The following CMTM8 variants were observed in gnomAD, a reference collection of about 807,000 sequenced individuals.
CMTM8 encodes the protein CKLF-like MARVEL transmembrane domain-containing protein 8.
A neutral mutation model predicts 18.6 loss-of-function variants in CMTM8; 12 were observed. That is an observed-to-expected ratio of 0.65 (90% CI 0.41 to 1.05). The LOEUF is 1.05. Ranked by LOEUF, CMTM8 falls within the 50% of genes least tolerant of loss-of-function variation. CMTM8 has a pLI of 0.00. For missense variants in CMTM8, 217 were observed against 227.2 expected, an observed-to-expected ratio of 0.95 and a Z score of 0.29; for synonymous variants, 87 against 90.6, an observed-to-expected ratio of 0.96 and a Z score of 0.23.
At chr3:32,369,214 T>C (rs1695594794) in intron 3 of CMTM8, among the ~76,000 whole-genome samples, 1 of 152,138 alleles carries the variant, frequency 6.6e-6, no homozygotes, top group Non-Finnish European at 1.5e-5. Flanking sequence ...CTTGGGATGC[T>C]GAGGCAGGAG....
intron 1 of CMTM8, among the ~76,000 whole-genome samples, chr3:32,294,254 C>G (rs1346537894): frequency 6.6e-6 from 1 of 152,226 alleles, no homozygotes; most frequent in Non-Finnish European, 1.5e-5. Context: ...TGGCAAGTGT[C>G]CTGTGCACAT....
chr3:32,319,076 T>A (rs11917124), intron 1 of CMTM8, among the ~76,000 whole-genome samples: 2,854 of 19,034 alleles, frequency 0.15, 59 homozygotes, highest in Non-Finnish European at 0.18. Flanking sequence ...ATATATATAT[T>A]TTTTTTTTTT....
chr3:32,336,548 C>T (rs1696389957), intron 1 of CMTM8, among the ~76,000 whole-genome samples: 1 of 152,224 alleles, frequency 6.6e-6, no homozygotes, highest in Non-Finnish European at 1.5e-5. Flanking sequence ...ATCATATCTC[C>T]ATCATACAAC....
intron 1 of CMTM8, among the ~76,000 whole-genome samples, chr3:32,250,780 A>G (rs1315462502): frequency 6.6e-6 from 1 of 152,078 alleles, no homozygotes; most frequent in Non-Finnish European, 1.5e-5. Flanking sequence ...CAAAAAAATT[A>G]TAGGGTTTCA....
intron 1 of CMTM8, among the ~76,000 whole-genome samples, chr3:32,303,860 A>G (rs967697370): frequency 1.3e-5 from 2 of 152,314 alleles, no homozygotes; most frequent in African/African-American, 4.8e-5. Flanking sequence ...GTATGTATTT[A>G]CCAAAAATCA....
chr3:32,311,430 T>TGATGAA (rs574567803), intron 1 of CMTM8, among the ~76,000 whole-genome samples: 129 of 152,360 alleles, frequency 8.5e-4, no homozygotes, highest in African/African-American at 3.0e-3. Flanking sequence ...TCGCTCCTTC[T>TGATGAA]GGAGGCTCTA....
intron 1 of CMTM8, among the ~76,000 whole-genome samples, chr3:32,302,100 AG>A (rs1321729101): frequency 6.6e-6 from 1 of 151,500 alleles, no homozygotes. Flanking sequence ...TGGGGGGCCA[AG>A]GCAGGAGACC....
rs1013798752 is a variant in CMTM8 at position 32,293,674 on chromosome 3, C to T, written c.147+54555C>T. 3.3e-4 allele frequency among the ~76,000 whole-genome samples: 50 copies of T among 152,066 alleles called. 1 individual carries two copies. Among genetic ancestry groups the T allele is most frequent in the Admixed American group, 3.0e-3 (46 of 15,254 alleles). ...CAGCTTGGGCAACATGGAGAAACCT[C>T]GTCTCTACTAAAAATACAAAAATTA... On this transcript the variant is annotated intron_variant, in intron 1 of 3. Transcript: ENST00000307526.
intron 1 of CMTM8, among the ~76,000 whole-genome samples, chr3:32,342,247 C>CA (rs978844966): frequency 1.3e-5 from 2 of 152,006 alleles, no homozygotes; most frequent in East Asian, 3.9e-4. Flanking sequence ...GACTCCATCT[C>CA]AAAAAAACCC....
At chr3:32,293,553 A>C (rs1702821052) in intron 1 of CMTM8, among the ~76,000 whole-genome samples, 1 of 152,166 alleles carries the variant, frequency 6.6e-6, no homozygotes, top group African/African-American at 2.4e-5. Context: ...CTCTGTCTCA[A>C]GAAATAAATA....
chr3:32,317,969 C>A (rs898663379), intron 1 of CMTM8, among the ~76,000 whole-genome samples: 1 of 148,790 alleles, frequency 6.7e-6, no homozygotes, highest in African/African-American at 2.5e-5. Flanking sequence ...TCAGGAGAAT[C>A]GCTTGAAACC....
chr3:32,356,699 G>A lies in CMTM8; in HGVS notation c.148-674G>A, dbSNP rs1284003885. On this transcript the variant is annotated intron_variant, in intron 1 of 3. Transcript: ENST00000307526. ...ATGCCCAGAGGTTCGTCCCTTGAAA[G>A]CAGATCAGCTCCAGGGACCACCTCC... 5.9e-5 allele frequency among the ~76,000 whole-genome samples: 9 copies of A among 152,350 alleles called. No homozygotes were observed. The South Asian group carries it at 1.2e-3, about 21-fold the overall frequency.
intron 1 of CMTM8, among the ~76,000 whole-genome samples, chr3:32,318,564 A>ATTTT (rs1215037595): frequency 6.8e-4 from 85 of 125,276 alleles, no homozygotes; most frequent in Non-Finnish European, 1.1e-3. Flanking sequence ...GTCATTATTA[A>ATTTT]TTTTTTTTTT....
At chr3:32,248,308 G>T (rs1193496846) in intron 1 of CMTM8, among the ~76,000 whole-genome samples, 1 of 152,078 alleles carries the variant, frequency 6.6e-6, no homozygotes, top group Non-Finnish European at 1.5e-5. Flanking sequence ...TATAACCTAT[G>T]AACATGGGAT....
rs530878050 is a variant in CMTM8 at position 32,271,705 on chromosome 3, A to G, written c.147+32586A>G. ...TTAAATTTTCCTGTTTGTGTTTCTC[A>G]TTCTCTTTCTTCTGTTTGTTTGGAA... On this transcript the variant is annotated intron_variant, in intron 1 of 3. Coordinates refer to ENST00000307526, the MANE Select transcript of CMTM8 (RefSeq NM_178868.5). Among the ~76,000 whole-genome samples, 12 of 152,164 alleles carry G rather than the reference A, an allele frequency of 7.9e-5. No homozygotes were observed. The South Asian group carries it at 2.5e-3, about 32-fold the overall frequency.
chr3:32,278,424 C>T (rs1334392972), intron 1 of CMTM8, among the ~76,000 whole-genome samples: 3 of 152,164 alleles, frequency 2.0e-5, no homozygotes, highest in Non-Finnish European at 4.4e-5. Flanking sequence ...CCAGTCTTCC[C>T]GTAATTGAGG....
At chr3:32,310,090 A>G (rs1695791189) in intron 1 of CMTM8, among the ~76,000 whole-genome samples, 1 of 152,242 alleles carries the variant, frequency 6.6e-6, no homozygotes, top group African/African-American at 2.4e-5. Context: ...AGATCCATCC[A>G]TTCTGATTTT....
At chr3:32,353,773 C>T (rs1302366886) in intron 1 of CMTM8, among the ~76,000 whole-genome samples, 3 of 148,936 alleles carry the variant, frequency 2.0e-5, no homozygotes, top group Non-Finnish European at 3.0e-5. Context: ...TCTTAATATA[C>T]TTCTGTGTTA....
intron 1 of CMTM8, among the ~76,000 whole-genome samples, chr3:32,295,479 C>CAAAAAAAAAAAAAAA (rs58774314): frequency 1.2e-5 from 1 of 82,466 alleles, no homozygotes; most frequent in Non-Finnish European, 2.1e-5. Flanking sequence ...AAAAAAAAAA[C>CAAAAAAAAAAAAAAA]AAAACAAAAC....
Sources: gnomAD v4.1 joint callset for allele counts (sites outside exome capture counted in the v4.1 genomes callset) on GRCh38, gnomAD v4.1.1 for gene constraint, MANE v1.5 for transcripts, NCBI Gene and HGNC (gene_info 2026-07-23, HGNC 2026-07-21) for gene names.